GALNT14: variants seen among roughly 807,000 people sequenced by gnomAD.
GALNT14 encodes UDP-GalNAc:polypeptide N-acetylgalactosaminyltransferase 14.
In GALNT14, 60 loss-of-function variants were observed where a neutral mutation model predicts 77.5. The ratio of observed to expected loss-of-function variants is 0.77; its 90% CI spans 0.63 to 0.96. The LOEUF (loss-of-function observed/expected upper bound fraction) is 0.96. Among genes scored for constraint, GALNT14 ranks in the 40% least tolerant of loss-of-function variants. The probability of loss-of-function intolerance (pLI) is 0.00; values close to 1 mark genes in which losing one functional copy is unlikely to be tolerated. For missense variants in GALNT14, 710 were observed against 731.0 expected (o/e 0.97, Z 0.33); for synonymous variants, 280 against 281.7 (o/e 0.99, Z 0.06).
At chr2:30,901,294 G>T in the GALNT14 span, among the ~76,000 whole-genome samples, 1 of 152,122 alleles carries the variant, frequency 6.6e-6, no homozygotes, top group Non-Finnish European at 1.5e-5. Flanking sequence ...GTGAGTCTCA[G>T]ATCCAACATG....
intron 2 of GALNT14, among the ~76,000 whole-genome samples, chr2:30,978,311 C>A (rs1464994818): frequency 6.6e-6 from 1 of 152,246 alleles, no homozygotes; most frequent in Non-Finnish European, 1.5e-5. Flanking sequence ...TGACTATTCC[C>A]CTTTCTAAAT....
At chr2:31,005,555 G>A (rs2148429406) in intron 1 of GALNT14, among the ~76,000 whole-genome samples, 1 of 152,348 alleles carries the variant, frequency 6.6e-6, no homozygotes, top group Middle Eastern at 3.4e-3. Flanking sequence ...CAACATAGCT[G>A]TGGTTACTAT....
At chr2:31,129,732 G>T in intron 1 of GALNT14, 7 of 673,150 alleles carry the variant, frequency 1.0e-5, no homozygotes, top group Non-Finnish European at 1.3e-5. Context: ...TGGGGGGTGG[G>T]AGGGACATCA....
chr2:31,135,018 A>T (rs1253935896), intron 1 of GALNT14, among the ~76,000 whole-genome samples: 1 of 152,216 alleles, frequency 6.6e-6, no homozygotes, highest in Non-Finnish European at 1.5e-5. Context: ...GCCCTATAGA[A>T]ATGCTGGTGG....
chr2:31,099,404 G>C (rs1677159389), intron 1 of GALNT14, among the ~76,000 whole-genome samples: 1 of 151,720 alleles, frequency 6.6e-6, no homozygotes, highest in South Asian at 2.1e-4. Context: ...TTGCTACTTA[G>C]AAGATTTTTT....
chr2:31,100,801 T>C (rs1677232309), intron 1 of GALNT14, among the ~76,000 whole-genome samples: 1 of 152,042 alleles, frequency 6.6e-6, no homozygotes, highest in East Asian at 1.9e-4. Context: ...AAGCCAAAAA[T>C]GCATTTAATC....
At chr2:30,902,525 A>T in the GALNT14 span, among the ~76,000 whole-genome samples, 1 of 152,028 alleles carries the variant, frequency 6.6e-6, no homozygotes, top group Admixed American at 6.5e-5. Context: ...ACTAAGCCAC[A>T]TCAAAATAGG....
chr2:30,967,098 G>A (rs189010626), intron 2 of GALNT14, among the ~76,000 whole-genome samples: 4 of 152,214 alleles, frequency 2.6e-5, no homozygotes, highest in African/African-American at 4.8e-5. Context: ...GGAGCTGGGG[G>A]ATATTAAAAG....
At chr2:31,058,977 G>T (rs1363144808) in intron 1 of GALNT14, among the ~76,000 whole-genome samples, 1 of 152,168 alleles carries the variant, frequency 6.6e-6, no homozygotes, top group Admixed American at 6.5e-5. Context: ...AGGCTAGAGA[G>T]GCCCTTCCAC....
intron 9 of GALNT14, among the ~76,000 whole-genome samples, chr2:30,935,699 T>C (rs1416670769): frequency 1.3e-5 from 2 of 152,238 alleles, no homozygotes; most frequent in Non-Finnish European, 2.9e-5. Flanking sequence ...TCTACCCTTA[T>C]CTACATCACC....
intron 1 of GALNT14, among the ~76,000 whole-genome samples, chr2:31,123,834 G>T (rs1030372148): frequency 2.0e-5 from 3 of 152,078 alleles, no homozygotes; most frequent in African/African-American, 7.2e-5. Context: ...CTTCCCCTTG[G>T]CCTCACATTC....
At chr2:31,104,242 A>G (rs1467150438) in intron 1 of GALNT14, among the ~76,000 whole-genome samples, 2 of 152,212 alleles carry the variant, frequency 1.3e-5, no homozygotes, top group Non-Finnish European at 2.9e-5. Context: ...TCAAACCTAA[A>G]GAAAAGTTGT....
chr2:31,009,051 G>T (rs1256218998), intron 1 of GALNT14, among the ~76,000 whole-genome samples: 1 of 152,208 alleles, frequency 6.6e-6, no homozygotes, highest in African/African-American at 2.4e-5. Context: ...GGGAGATAAT[G>T]ACAGCAGAAC....
intron 2 of GALNT14, among the ~76,000 whole-genome samples, chr2:30,967,436 G>C (rs1668077877): frequency 6.6e-6 from 1 of 152,170 alleles, no homozygotes; most frequent in African/African-American, 2.4e-5. Context: ...TAGGCTGAAG[G>C]CTCATGGTGT....
intron 13 of GALNT14, among the ~76,000 whole-genome samples, chr2:30,923,706 C>T (rs890551965): frequency 1.4e-4 from 21 of 152,126 alleles, no homozygotes; most frequent in Admixed American, 1.2e-3. Flanking sequence ...GCAGGCATTC[C>T]GTCCTGTCCC....
At chr2:31,001,016 A>G (rs746297025) in intron 1 of GALNT14, among the ~76,000 whole-genome samples, 2 of 152,170 alleles carry the variant, frequency 1.3e-5, no homozygotes, top group Non-Finnish European at 2.9e-5. Context: ...AGTTCACACA[A>G]CTGATGTCTG....
At chr2:31,057,366 GTGTGTGTGTATATA>G (rs1265859440) in intron 1 of GALNT14, among the ~76,000 whole-genome samples, 9 of 84,798 alleles carry the variant, frequency 1.1e-4, no homozygotes, top group African/African-American at 3.4e-4. Context: ...GTGTGTGTGT[GTGTGTGTGTATATA>G]TATATATATA....
At chr2:31,069,419 T>C (rs1675201896) in intron 1 of GALNT14, among the ~76,000 whole-genome samples, 1 of 152,246 alleles carries the variant, frequency 6.6e-6, no homozygotes, top group Non-Finnish European at 1.5e-5. Context: ...GTAAGCACTT[T>C]GCTTGTATTT....
chr2:31,098,991 G>T (rs1248652828), intron 1 of GALNT14, among the ~76,000 whole-genome samples: 1 of 152,076 alleles, frequency 6.6e-6, no homozygotes, highest in Non-Finnish European at 1.5e-5. Flanking sequence ...TGTGTCAGGG[G>T]TGGCAGAGGC....
Sources: gnomAD v4.1 joint callset for allele counts (sites outside exome capture counted in the v4.1 genomes callset) on GRCh38, gnomAD v4.1.1 for gene constraint, MANE v1.5 for transcripts, NCBI Gene and HGNC (gene_info 2026-07-23, HGNC 2026-07-21) for gene names.